RGS6: variants seen among roughly 807,000 people sequenced by gnomAD.
RGS6 encodes the protein regulator of G-protein signaling 6.
Under a neutral mutation model 78.5 loss-of-function variants are expected in RGS6, and 30 were observed. The observed-to-expected ratio is 0.38, with a 90% CI of 0.29 to 0.52. The LOEUF is 0.52. Among genes scored for constraint, RGS6 ranks in the 20% least tolerant of loss-of-function variants. The pLI is 0.85. For missense variants in RGS6, 495 were observed against 609.7 expected, an observed-to-expected ratio of 0.81 and a Z score of 1.98; for synonymous variants, 206 against 206.0, an observed-to-expected ratio of 1.00 and a Z score of 0.00.
chr14:71,918,439 T>C, the RGS6 span, among the ~76,000 whole-genome samples: 11 of 152,280 alleles, frequency 7.2e-5, no homozygotes, highest in African/African-American at 2.6e-4. Context: ...GAAAAGATTA[T>C]CCAGTGGATT....
At chr14:72,072,540 C>G (rs1025898558) in intron 2 of RGS6, among the ~76,000 whole-genome samples, 1 of 151,946 alleles carries the variant, frequency 6.6e-6, no homozygotes, top group East Asian at 1.9e-4. Flanking sequence ...ATCTCCTGAC[C>G]TCAGGTGATC....
At chr14:72,395,778 T>C (rs2091100182) in intron 3 of RGS6, among the ~76,000 whole-genome samples, 1 of 151,358 alleles carries the variant, frequency 6.6e-6, no homozygotes, top group Non-Finnish European at 1.5e-5. Context: ...TGAGAACATG[T>C]GGTGTTTGGT....
the RGS6 span, among the ~76,000 whole-genome samples, chr14:72,608,110 C>T: frequency 6.6e-6 from 1 of 152,162 alleles, no homozygotes; most frequent in African/African-American, 2.4e-5. Context: ...CTCAATTTCC[C>T]CCTTGACCCC....
intron 2 of RGS6, among the ~76,000 whole-genome samples, chr14:72,152,245 AGT>A (rs10686344): frequency 0.1 from 9,947 of 96,814 alleles, 491 homozygotes; most frequent in East Asian, 0.36. Flanking sequence ...AGAGAGAGAG[AGT>A]GTGTGTGTGT....
chr14:72,529,552 C>T (rs957927658), intron 15 of RGS6, among the ~76,000 whole-genome samples: 1 of 152,190 alleles, frequency 6.6e-6, no homozygotes, highest in Non-Finnish European at 1.5e-5. Flanking sequence ...ACATGGGCCT[C>T]CTGAGAGTGG....
At chr14:72,210,463 T>G (rs1414743167) in intron 2 of RGS6, among the ~76,000 whole-genome samples, 1 of 152,214 alleles carries the variant, frequency 6.6e-6, no homozygotes, top group Non-Finnish European at 1.5e-5. Flanking sequence ...ATGAGTGTAT[T>G]TAGGTGAGAA....
At chr14:72,101,277 A>T (rs936137155) in intron 2 of RGS6, among the ~76,000 whole-genome samples, 3 of 152,198 alleles carry the variant, frequency 2.0e-5, no homozygotes, top group Admixed American at 6.5e-5. Flanking sequence ...CAGATGAAAC[A>T]GGTCTACTGA....
At chr14:71,976,621 A>G (rs1196548534) in intron 2 of RGS6, among the ~76,000 whole-genome samples, 2 of 152,190 alleles carry the variant, frequency 1.3e-5, no homozygotes, top group East Asian at 3.8e-4. Flanking sequence ...ATAGTAGTCC[A>G]TGGTGTATAT....
At chr14:72,569,109 G>A (rs1200484681), downstream of RGS6, among the ~76,000 whole-genome samples, 1 of 127,792 alleles carries the variant, frequency 7.8e-6, no homozygotes, top group East Asian at 2.1e-4. Flanking sequence ...GAGATTCTCT[G>A]GGGTGTGTGT....
chr14:72,098,355 A>T lies in RGS6; in HGVS notation c.84+133480A>T, dbSNP rs146276854. ...GTCCTTGCTTTTTCTCTGTCCCCTGAAAGGGGTGAAGTCGTGTGGACATGT... is the reference window on the plus strand; with the variant it reads ...GTCCTTGCTTTTTCTCTGTCCCCTGTAAGGGGTGAAGTCGTGTGGACATGT... On this transcript the variant is annotated intron_variant, in intron 2 of 17. Coordinates refer to ENST00000553525, the MANE Select transcript of RGS6 (RefSeq NM_001204424.2). Among the ~76,000 whole-genome samples, 1,090 of 152,282 alleles carry T rather than the reference A, an allele frequency of 7.2e-3. 39 individuals carry two copies. Among genetic ancestry groups the T allele is most frequent in the Admixed American group, 0.062 (953 of 15,296 alleles).
intron 2 of RGS6, among the ~76,000 whole-genome samples, chr14:72,090,601 T>C (rs1271168923): frequency 2.0e-5 from 3 of 152,142 alleles, no homozygotes; most frequent in Non-Finnish European, 4.4e-5. Flanking sequence ...CTCCCCACTA[T>C]CCATGGACAA....
At chr14:72,106,053 C>G (rs564857044) in intron 2 of RGS6, among the ~76,000 whole-genome samples, 1 of 152,086 alleles carries the variant, frequency 6.6e-6, no homozygotes, top group Non-Finnish European at 1.5e-5. Flanking sequence ...ATCCAGAGGT[C>G]GCAGTGGGAT....
At chr14:72,026,294 C>T (rs1393794213) in intron 2 of RGS6, among the ~76,000 whole-genome samples, 1 of 152,040 alleles carries the variant, frequency 6.6e-6, no homozygotes, top group Non-Finnish European at 1.5e-5. Flanking sequence ...GTAATCCCAG[C>T]TACTGAGGAG....
At chr14:72,557,138 C>G (rs146073247) in intron 17 of RGS6, among the ~76,000 whole-genome samples, 1 of 152,244 alleles carries the variant, frequency 6.6e-6, no homozygotes, top group Non-Finnish European at 1.5e-5. Context: ...GGAACCATAA[C>G]GGGTTCCATA....
Position 72,001,895 on chromosome 14 carries a change from C to CTTTTTTTTTTTT in RGS6, c.84+37034_84+37045dup, listed in dbSNP as rs59274317. Among the ~76,000 whole-genome samples the CTTTTTTTTTTTT allele has an allele frequency of 3.6e-4, 33 of 92,528 alleles. 3 individuals are homozygous for CTTTTTTTTTTTT. Among genetic ancestry groups the CTTTTTTTTTTTT allele is most frequent in the African/African-American group, 1.2e-3 (28 of 22,758 alleles). The allele number at this position is 92,528 out of a possible 152,430, so 60.7% of individuals were successfully genotyped here. On this transcript the variant is annotated intron_variant, in intron 2 of 17. Transcript: ENST00000553525. ...TTGAAGTGTTTAGACATCCATTAAT[C>CTTTTTTTTTTTT]TTTTTTTTTTTTTTTTTTTTTTTTT...
intron 14 of RGS6, among the ~76,000 whole-genome samples, chr14:72,518,112 G>T (rs183945274): frequency 6.6e-6 from 1 of 152,166 alleles, no homozygotes; most frequent in East Asian, 1.9e-4. Flanking sequence ...GAGAAATCCC[G>T]TTCTGATAAC....
chr14:72,243,714 G>A (rs2053503321), intron 2 of RGS6, among the ~76,000 whole-genome samples: 1 of 151,630 alleles, frequency 6.6e-6, no homozygotes, highest in African/African-American at 2.4e-5. Context: ...AATGGGGAAG[G>A]GAACACTGAA....
chr14:71,981,201 G>T lies in RGS6; in HGVS notation c.84+16326G>T, dbSNP rs548602428. 3.2e-4 allele frequency among the ~76,000 whole-genome samples: 48 copies of T among 150,752 alleles called. No homozygotes were observed. The East Asian group carries it at 8.7e-3, about 27-fold the overall frequency. The stretch of plus-strand genomic sequence containing the variant: ...AAAGTTTTCAACTTCTTTGCCTTTG[G>T]TTTGAATGTCCTCCCGTAGCTCAGA... On this transcript the variant is annotated intron_variant, in intron 2 of 17. Transcript: ENST00000553525.
chr14:71,936,777 T>C (rs925816676), intron 1 of RGS6, among the ~76,000 whole-genome samples: 1 of 152,242 alleles, frequency 6.6e-6, no homozygotes, highest in Non-Finnish European at 1.5e-5. Flanking sequence ...AGTGTATATA[T>C]ACACAAACAT....
Sources: gnomAD v4.1 joint callset for allele counts (sites outside exome capture counted in the v4.1 genomes callset) on GRCh38, gnomAD v4.1.1 for gene constraint, MANE v1.5 for transcripts, NCBI Gene and HGNC (gene_info 2026-07-23, HGNC 2026-07-21) for gene names.